The following FLI1 variants were observed in gnomAD, a reference collection of about 807,000 sequenced individuals.
FLI1 encodes the protein Friend leukemia integration 1 transcription factor.
A neutral mutation model predicts 53.1 loss-of-function variants in FLI1; 13 were observed. That is an observed-to-expected ratio of 0.24 (90% CI 0.16 to 0.39). FLI1 has a LOEUF of 0.39. FLI1 is among the 10% of genes least tolerant of loss of function. FLI1 has a pLI of 1.00. For missense variants in FLI1, 424 were observed against 600.5 expected, an observed-to-expected ratio of 0.71 and a Z score of 3.07; for synonymous variants, 244 against 236.7, an observed-to-expected ratio of 1.03 and a Z score of -0.28.
chr11:128,760,274 T>C (rs1941054963), intron 2 of FLI1, among the ~76,000 whole-genome samples: 1 of 152,166 alleles, frequency 6.6e-6, no homozygotes, highest in African/African-American at 2.4e-5. Context: ...GGACAGTGCT[T>C]TGTCTAAGGA....
chr11:128,754,849 A>G (rs924816420), intron 1 of FLI1, among the ~76,000 whole-genome samples: 1 of 152,244 alleles, frequency 6.6e-6, no homozygotes, highest in Non-Finnish European at 1.5e-5. Flanking sequence ...GTGAACCGGG[A>G]CGCTCTCCTC....
intron 1 of FLI1, among the ~76,000 whole-genome samples, chr11:128,707,190 C>T (rs1938581662): frequency 6.6e-6 from 1 of 152,114 alleles, no homozygotes; most frequent in South Asian, 2.1e-4. Context: ...TGTCAATAGC[C>T]CTGTACCCAA....
chr11:128,766,714 C>T (rs902925734), intron 2 of FLI1, among the ~76,000 whole-genome samples: 3 of 151,822 alleles, frequency 2.0e-5, no homozygotes, highest in African/African-American at 7.3e-5. Context: ...TCTGGTACGG[C>T]CCTGCTCCTC....
intron 5 of FLI1, among the ~76,000 whole-genome samples, chr11:128,803,274 C>T (rs928172211): frequency 6.6e-6 from 1 of 152,210 alleles, no homozygotes; most frequent in Non-Finnish European, 1.5e-5. Context: ...TGTTTTCTAG[C>T]ATGGCTGCAA....
chr11:128,728,509 T>G (rs1283668856), intron 1 of FLI1, among the ~76,000 whole-genome samples: 2 of 152,222 alleles, frequency 1.3e-5, no homozygotes, highest in Non-Finnish European at 2.9e-5. Flanking sequence ...TGAACAACAT[T>G]TCTTCCATAA....
chr11:128,737,709 T>C (rs1161675192), intron 1 of FLI1, among the ~76,000 whole-genome samples: 3 of 152,340 alleles, frequency 2.0e-5, no homozygotes, highest in East Asian at 3.9e-4. Context: ...GTACCTAAGA[T>C]AGCTTATGTG....
intron 1 of FLI1, among the ~76,000 whole-genome samples, chr11:128,718,783 C>T (rs1780745481): frequency 2.0e-5 from 3 of 152,144 alleles, no homozygotes; most frequent in Admixed American, 6.5e-5. Context: ...GAATAGCAGT[C>T]GACTGTGTTA....
At chr11:128,688,811 C>G (rs940164409) in intron 1 of FLI1, among the ~76,000 whole-genome samples, 2 of 152,164 alleles carry the variant, frequency 1.3e-5, no homozygotes, top group East Asian at 1.9e-4. Context: ...GATGGATAAC[C>G]GCAACGACAT....
intron 5 of FLI1, among the ~76,000 whole-genome samples, chr11:128,791,114 C>T (rs369154234): frequency 1.8e-4 from 27 of 152,166 alleles, no homozygotes; most frequent in South Asian, 1.5e-3. Flanking sequence ...AAGACCATCC[C>T]GATTCAGCTC....
rs1388150807 is a variant in FLI1 at position 128,808,791 on chromosome 11, A to G, written c.782-366A>G. Among the ~76,000 whole-genome samples the G allele has an allele frequency of 2.0e-5, 3 of 152,158 alleles. No homozygotes were observed. In the East Asian group the frequency reaches 5.8e-4, roughly 29 times the overall value. On this transcript the variant is annotated intron_variant, in intron 7 of 8. Coordinates refer to ENST00000527786, the MANE Select transcript of FLI1 (RefSeq NM_002017.5). ...GTAGAGTTATTAAAGACCAGTAACC[A>G]TGAGACCTGCTTTAAGCCCATGGAG...
intron 2 of FLI1, chr11:128,764,520 G>C: frequency 1.2e-6 from 1 of 820,320 alleles, no homozygotes; most frequent in Non-Finnish European, 1.9e-6. Context: ...TCAGCTGCCA[G>C]TGGGCCCCAG....
rs371318044 is a variant in FLI1, at chr11:128,741,286, G to A, written c.19-16829G>A. ...TGGGCGCCTGTAATCCCATCTACTC[G>A]GGAGGCTGAGGCAGGAGAATCGCTT... On this transcript the variant is annotated intron_variant, in intron 1 of 8. Transcript: ENST00000527786. Among the ~76,000 whole-genome samples, 724 of 152,268 alleles carry A rather than the reference G, an allele frequency of 4.8e-3. 13 individuals are homozygous for A. Among genetic ancestry groups the A allele is most frequent in the African/African-American group, 0.016 (672 of 41,528 alleles).
Position 128,812,716 on chromosome 11 carries a change from G to A in FLI1, c.*1728G>A, listed in dbSNP as rs2098492078. On this transcript the variant is annotated 3_prime_UTR_variant, in exon 9 of 9. Transcript: ENST00000527786. ...CGAGCTGGTCTATCCAGACTGGTCT[G>A]TGAGATTTAACTCTGCAGCCTCCCC... The A allele has an allele frequency of 1.4e-5, 3 of 218,970 alleles. No individual in the cohort carries two copies. Among genetic ancestry groups the A allele is most frequent in the Admixed American group, 1.2e-4 (2 of 17,288 alleles). 13.6% of individuals were successfully genotyped at this position (218,970 alleles called of 1,614,324 possible).
intron 3 of FLI1, among the ~76,000 whole-genome samples, chr11:128,772,373 C>A (rs980406878): frequency 6.6e-6 from 1 of 152,162 alleles, no homozygotes; most frequent in Non-Finnish European, 1.5e-5. Context: ...TTTTCTACAG[C>A]CATCTGAGGG....
intron 1 of FLI1, chr11:128,686,950 C>G (rs139737211): frequency 1.8e-3 from 296 of 161,766 alleles, no homozygotes; most frequent in South Asian, 6.7e-3. Context: ...GAGAGCCTGG[C>G]GAAGCCTGTG....
At chr11:128,774,697 C>G (rs753051995) in intron 4 of FLI1, among the ~76,000 whole-genome samples, 2 of 152,194 alleles carry the variant, frequency 1.3e-5, no homozygotes, top group African/African-American at 4.8e-5. Flanking sequence ...CGAGACTCTT[C>G]GGCGGATGCC....
At chr11:128,764,940 C>T (rs1941274197) in intron 2 of FLI1, 2 of 1,149,376 alleles carry the variant, frequency 1.7e-6, no homozygotes, top group East Asian at 2.6e-5. Context: ...GGTCCTAGTG[C>T]AGAAGCCTGG....
chr11:128,693,982 GAGAGAGAGAGAT>G (rs1362884046), upstream of FLI1: 195 of 312,896 alleles, frequency 6.2e-4, no homozygotes, highest in African/African-American at 4.4e-3. Context: ...GAGAGAGAGA[GAGAGAGAGAGAT>G]AGGACTTCCT....
At chr11:128,801,264 G>T (rs1040892445) in intron 5 of FLI1, among the ~76,000 whole-genome samples, 2 of 152,210 alleles carry the variant, frequency 1.3e-5, no homozygotes, top group South Asian at 4.1e-4. Flanking sequence ...ATGCAGCCAG[G>T]TGTTGGGCTC....
Sources: gnomAD v4.1 joint callset for allele counts (sites outside exome capture counted in the v4.1 genomes callset) on GRCh38, gnomAD v4.1.1 for gene constraint, MANE v1.5 for transcripts, NCBI Gene and HGNC (gene_info 2026-07-23, HGNC 2026-07-21) for gene names.